The following DNAJC1 variants were observed in gnomAD, a reference collection of about 807,000 sequenced individuals.
DNAJC1 encodes the protein DnaJ heat shock protein family (Hsp40) member C1, also known as dnaJ homolog subfamily C member 1.
A neutral mutation model predicts 76.6 loss-of-function variants in DNAJC1; 58 were observed. That is an observed-to-expected ratio of 0.76 (90% CI 0.61 to 0.94). The LOEUF (loss-of-function observed/expected upper bound fraction) is 0.94. DNAJC1 is among the 40% of genes least tolerant of loss of function. The pLI is 0.00. For synonymous variants in DNAJC1, 258 were observed against 267.9 expected (o/e 0.96, Z 0.36); for missense variants, 689 against 677.3 (o/e 1.02, Z -0.19).
chr10:21,900,361 A>C (rs1241460424), intron 7 of DNAJC1, among the ~76,000 whole-genome samples: 3 of 151,344 alleles, frequency 2.0e-5, no homozygotes, highest in South Asian at 2.1e-4. Context: ...AAAGCAAAAG[A>C]AAAAAAAAGA....
chr10:21,846,879 CT>C (rs777182871), intron 8 of DNAJC1, among the ~76,000 whole-genome samples: 3,492 of 135,538 alleles, frequency 0.026, 52 homozygotes, highest in Admixed American at 0.059. Context: ...TGGATAATGA[CT>C]TTTTTTTTTT....
In DNAJC1 at chr10:21,920,943, T is replaced by G; in HGVS notation, c.392A>C (p.Asn131Thr). 1 of 1,611,000 alleles carries G rather than the reference T, an allele frequency of 6.2e-7. No individual in the cohort carries two copies. Among genetic ancestry groups the G allele is most frequent in the Non-Finnish European group, 8.5e-7 (1 of 1,178,272 alleles). Reference protein sequence around the residue: ...RRQRYDDILINGLPDWRQPVF... With the variant: ...RRQRYDDILITGLPDWRQPVF... ...AGGCTGTCGCCAATCTGGAAGTCCA[T>G]TGATCAGAATATCATCATACCTACA... The change falls in exon 4 of 12, where the codon AAT becomes ACT. Residue 131 changes from asparagine to threonine, a missense_variant. Physicochemically the swap from Asn to Thr is moderately conservative, Grantham distance 65. Transcript: ENST00000376980.
intron 1 of DNAJC1, among the ~76,000 whole-genome samples, chr10:21,996,527 C>T (rs1838417861): frequency 6.6e-6 from 1 of 152,116 alleles, no homozygotes; most frequent in African/African-American, 2.4e-5. Context: ...ACTGGTAACC[C>T]ATATAACGTT....
At chr10:21,811,554 T>C (rs1834966589) in intron 8 of DNAJC1, among the ~76,000 whole-genome samples, 2 of 152,148 alleles carry the variant, frequency 1.3e-5, no homozygotes, top group Non-Finnish European at 2.9e-5. Context: ...CCACAAATAT[T>C]TGGATTTTGC....
intron 9 of DNAJC1, among the ~76,000 whole-genome samples, chr10:21,781,731 A>AG (rs1834531059): frequency 6.6e-6 from 1 of 151,162 alleles, no homozygotes; most frequent in African/African-American, 2.4e-5. Context: ...AAAAAAAAAA[A>AG]AAAAAAAGAA....
intron 1 of DNAJC1, among the ~76,000 whole-genome samples, chr10:21,954,030 T>C (rs1169335201): frequency 1.3e-5 from 2 of 152,046 alleles, no homozygotes; most frequent in Admixed American, 1.3e-4. Flanking sequence ...AAATTTTTTC[T>C]GGGCATTTTT....
At chr10:21,873,109 C>CT (rs1428716040) in intron 8 of DNAJC1, among the ~76,000 whole-genome samples, 2 of 152,264 alleles carry the variant, frequency 1.3e-5, no homozygotes, top group African/African-American at 4.8e-5. Context: ...CACGTACCCC[C>CT]TGCTTGCTCA....
chr10:21,899,608 C>T (rs1224249902), intron 7 of DNAJC1, among the ~76,000 whole-genome samples: 1 of 152,196 alleles, frequency 6.6e-6, no homozygotes, highest in Non-Finnish European at 1.5e-5. Context: ...TAAGCGGGAC[C>T]CCAATTCATT....
At chr10:21,929,291 T>C (rs1590053578) in intron 1 of DNAJC1, 150 bp from the exon 2 acceptor site, 3 of 588,286 alleles carry the variant, frequency 5.1e-6, no homozygotes, top group South Asian at 2.1e-5. Context: ...AACCAGGCTA[T>C]GCAACAAGCC....
intron 1 of DNAJC1, among the ~76,000 whole-genome samples, chr10:21,986,667 T>G (rs1184869871): frequency 2.0e-5 from 3 of 152,204 alleles, no homozygotes; most frequent in Admixed American, 6.5e-5. Context: ...TAAACCAACC[T>G]TGCATTCCTG....
At chr10:21,805,883 C>A in intron 9 of DNAJC1, 97 bp downstream of exon 9, 1 of 1,509,078 alleles carries the variant, frequency 6.6e-7, no homozygotes, top group South Asian at 1.2e-5. Flanking sequence ...TGTATCCCCT[C>A]CCCAAAGATA....
intron 8 of DNAJC1, among the ~76,000 whole-genome samples, chr10:21,855,075 T>C (rs1835813457): frequency 6.6e-6 from 1 of 152,224 alleles, no homozygotes; most frequent in Non-Finnish European, 1.5e-5. Flanking sequence ...ATCTGACTTT[T>C]TTTGTATTGC....
intron 9 of DNAJC1, among the ~76,000 whole-genome samples, chr10:21,788,689 T>C (rs1025961909): frequency 1.3e-5 from 2 of 152,146 alleles, no homozygotes; most frequent in Non-Finnish European, 2.9e-5. Flanking sequence ...TCCCAGATTG[T>C]AGAGTTACCA....
chr10:21,920,933 T>C lies in DNAJC1; in HGVS notation c.402A>G (p.Pro134=), dbSNP rs750128435. The part of the protein sequence containing the change: ...RYDDILINGL[P]DWRQPVFYYR... Reference sequence around the variant, plus strand: ...AGTAGAATACAGGCTGTCGCCAATCTGGAAGTCCATTGATCAGAATATCAT... The same window carrying C: ...AGTAGAATACAGGCTGTCGCCAATCCGGAAGTCCATTGATCAGAATATCAT... The change falls in exon 4 of 12, where the codon CCA becomes CCG. Residue 134 remains proline, a synonymous_variant. Coordinates refer to ENST00000376980, the MANE Select transcript of DNAJC1 (RefSeq NM_022365.4). The C allele has an allele frequency of 3.7e-6, 6 of 1,611,650 alleles. No individual in the cohort carries two copies. Among genetic ancestry groups the C allele is most frequent in the Non-Finnish European group, 5.1e-6 (6 of 1,178,596 alleles).
At chr10:21,837,894 A>G (rs1365333328) in intron 8 of DNAJC1, among the ~76,000 whole-genome samples, 1 of 142,454 alleles carries the variant, frequency 7.0e-6, no homozygotes, top group East Asian at 2.1e-4. Context: ...CCGCCCGGCC[A>G]GCCGCCCCGT....
chr10:21,875,708 T>C (rs936815366), intron 8 of DNAJC1, among the ~76,000 whole-genome samples: 3 of 152,140 alleles, frequency 2.0e-5, no homozygotes, highest in African/African-American at 7.2e-5. Flanking sequence ...GGCAGATCAC[T>C]TGTGGTCAGG....
rs1419508558 is a variant in DNAJC1, at chr10:21,919,916, C to A, written c.551G>T (p.Ser184Ile). ...TTTTTTCTTTTCTCTCTTTTTTCTA[C>A]TTAGTAGTTCATCCTTAATGTGGAA... ...YLEKQLDELLSRKKREKKKKT... is the reference protein window; with the variant it reads ...YLEKQLDELLIRKKREKKKKT... The change falls in exon 5 of 12, where the codon AGT becomes ATT. Residue 184 changes from serine to isoleucine, a missense_variant. Ser to Ile is a moderately radical substitution (Grantham distance 142, BLOSUM62 -2). Coordinates refer to ENST00000376980, the MANE Select transcript of DNAJC1 (RefSeq NM_022365.4). The A allele has an allele frequency of 3.1e-6, 5 of 1,601,156 alleles. No individual in the cohort carries two copies. The highest frequency in any genetic ancestry group is 1.7e-5 in the Admixed American group (1 of 58,556).
Position 21,882,449 on chromosome 10 carries a change from G to A in DNAJC1, c.821-10C>T. 6 of 1,450,516 alleles carry A rather than the reference G, an allele frequency of 4.1e-6. 1 individual carries two copies. The South Asian group carries it at 5.7e-5, about 14-fold the overall frequency. 89.9% of individuals were successfully genotyped at this position (1,450,516 alleles called of 1,614,324 possible). A position where few individuals can be genotyped will look rare whatever the true frequency, so the allele number is the denominator to read the frequency against. On this transcript the variant is annotated splice_polypyrimidine_tract_variant and intron_variant, in intron 7 of 11. Coordinates refer to ENST00000376980, the MANE Select transcript of DNAJC1 (RefSeq NM_022365.4). ...TTAACTTTCTTCTGTTCTAAAAAAT[G>A]TTTAAAAGAACCAATTATTGAGATT...
At chr10:21,955,963 T>C (rs2131812357) in intron 1 of DNAJC1, among the ~76,000 whole-genome samples, 1 of 152,230 alleles carries the variant, frequency 6.6e-6, no homozygotes, top group East Asian at 1.9e-4. Flanking sequence ...AAAAACTTAT[T>C]TTACCTTCGA....
Sources: allele counts gnomAD v4.1 joint callset (sites outside exome capture counted in the v4.1 genomes callset), GRCh38; gene constraint gnomAD v4.1.1; transcripts MANE v1.5; gene names NCBI Gene and HGNC (gene_info 2026-07-23, HGNC 2026-07-21).